Variants in ZFYVE26 observed in about 807,000 individuals in gnomAD.
The protein encoded by ZFYVE26 is zinc finger FYVE-type containing 26.
A neutral mutation model predicts 276.5 loss-of-function variants in ZFYVE26; 181 were observed. The ratio of observed to expected loss-of-function variants is 0.65; its 90% CI spans 0.58 to 0.74. The LOEUF (loss-of-function observed/expected upper bound fraction) is 0.74. Ranked by LOEUF, ZFYVE26 falls within the 30% of genes least tolerant of loss-of-function variation. ZFYVE26 has a pLI of 0.00. For missense variants in ZFYVE26, 2,821 were observed against 3,097.9 expected, an observed-to-expected ratio of 0.91 and a Z score of 2.12; for synonymous variants, 1,129 against 1,203.1, an observed-to-expected ratio of 0.94 and a Z score of 1.27.
rs2039098622 is a variant in ZFYVE26 at position 67,767,811 on chromosome 14, G to C, written c.5683C>G (p.Pro1895Ala). 6.2e-7 allele frequency: 1 copy of C among 1,614,000 alleles called. No homozygotes were observed. The highest frequency in any genetic ancestry group is 1.3e-5 in the African/African-American group (1 of 74,890). Residue 1895 changes from proline (P) to alanine (A), a missense_variant, in exon 31 of 42, where the codon CCA becomes GCA. Pro to Ala is a conservative substitution (Grantham distance 27, BLOSUM62 -1). Transcript: ENST00000347230. ...ALDSSKNESP[P>A]YSFVVRVPKA... The stretch of plus-strand genomic sequence containing the variant: ...GGGACTCTCACCACAAACGAGTATG[G>C]AGGGCTTTCATTCTTGGAGCTGTCT...
chr14:67,779,910 C>T lies in ZFYVE26; in HGVS notation c.4674+331G>A, dbSNP rs28479359. On this transcript the variant is annotated intron_variant, in intron 23 of 41. Transcript: ENST00000347230. Reference sequence around the variant, plus strand: ...TTTTTGAGACAGAGTCTCGCTCTGTCGTCCAGGCTAGAGTGCAGTGGTGCG... The same window carrying T: ...TTTTTGAGACAGAGTCTCGCTCTGTTGTCCAGGCTAGAGTGCAGTGGTGCG... Among the ~76,000 whole-genome samples, 5,590 of 152,158 alleles carry T rather than the reference C, an allele frequency of 0.037. 293 individuals are homozygous for T. Among genetic ancestry groups the T allele is most frequent in the African/African-American group, 0.12 (4,873 of 41,472 alleles).
At chr14:67,766,198 TAAAAG>T (rs1215806739) in intron 32 of ZFYVE26, 24 bp downstream of exon 32, 17 of 1,609,884 alleles carry the variant, frequency 1.1e-5, no homozygotes, top group Non-Finnish European at 1.4e-5. Flanking sequence ...TGCTCCTGTG[TAAAAG>T]AATAGAGACC....
In ZFYVE26 at chr14:67,808,019, A is replaced by T; in HGVS notation, c.364-99T>A. 4 of 1,394,318 alleles carry T rather than the reference A, an allele frequency of 2.9e-6. No individual in the cohort carries two copies. The East Asian group carries it at 9.2e-5, about 32-fold the overall frequency. The allele number at this position is 1,394,318 out of a possible 1,614,324, so 86.4% of individuals were successfully genotyped here. On this transcript the variant is annotated intron_variant, in intron 4 of 41. Coordinates refer to ENST00000347230, the MANE Select transcript of ZFYVE26 (RefSeq NM_015346.4). ...TCCTCTTTTTCAGTTTACTTATATA[A>T]TAGTGGCGGTAACAAATACTTATGT...
At chr14:67,797,628 T>C in intron 12 of ZFYVE26, 44 bp downstream of exon 12, 1 of 1,598,286 alleles carries the variant, frequency 6.3e-7, no homozygotes, top group Non-Finnish European at 8.6e-7. Context: ...ACAAGCAGCA[T>C]TACACCACTT....
intron 12 of ZFYVE26, chr14:67,797,439 A>G (rs2039976847): frequency 1.7e-6 from 1 of 577,876 alleles, no homozygotes; most frequent in South Asian, 2.0e-5. Context: ...AGTTCTCAAT[A>G]TATAGTATAA....
In ZFYVE26 at chr14:67,775,943, G is replaced by C; in HGVS notation, c.5138C>G (p.Thr1713Ser). The change falls in exon 26 of 42, where the codon ACT (threonine) becomes AGT (serine). Residue 1713 changes from threonine to serine, a missense_variant. Coordinates refer to ENST00000347230, the MANE Select transcript of ZFYVE26 (RefSeq NM_015346.4). ...AAGCAGTGAGTCCACCTCGTCCATA[G>C]TGAAGCCAATCTCCTGTCCAACCAG... is the stretch of plus-strand genomic sequence containing the variant. ...QLLVGQEIGFTMDEVDSLLSR... is the reference protein window; with the variant it reads ...QLLVGQEIGFSMDEVDSLLSR... 6.2e-7 allele frequency: 1 copy of C among 1,614,220 alleles called. No individual in the cohort carries two copies. Among genetic ancestry groups the C allele is most frequent in the South Asian group, 1.1e-5 (1 of 91,090 alleles).
intron 35 of ZFYVE26, 53 bp from the exon 36 acceptor site, chr14:67,756,198 G>C: frequency 5.1e-6 from 8 of 1,580,226 alleles, no homozygotes; most frequent in Non-Finnish European, 7.0e-6. Context: ...TTCTGGCACT[G>C]TCTGGGATCC....
At chr14:67,804,542 A>G (rs761687788) in intron 8 of ZFYVE26, among the ~76,000 whole-genome samples, 3 of 152,192 alleles carry the variant, frequency 2.0e-5, no homozygotes, top group Non-Finnish European at 4.4e-5. Flanking sequence ...TGAATTTTCT[A>G]ATTTCTACAC....
chr14:67,809,451 CT>C (rs1432497052), intron 3 of ZFYVE26, among the ~76,000 whole-genome samples, 162 bp from the exon 4 acceptor site: 1 of 123,646 alleles, frequency 8.1e-6, no homozygotes, highest in Non-Finnish European at 1.6e-5. Context: ...GAGACAGAGT[CT>C]TGCTCTGTTC....
chr14:67,767,442 C>G (rs538785532), intron 31 of ZFYVE26, among the ~76,000 whole-genome samples: 1 of 152,100 alleles, frequency 6.6e-6, no homozygotes, highest in East Asian at 1.9e-4. Context: ...CGACCCCCAG[C>G]TTTCTGCTTG....
downstream of ZFYVE26, chr14:67,746,389 CA>C: frequency 6.6e-6 from 1 of 152,206 alleles, no homozygotes; most frequent in East Asian, 1.9e-4. Flanking sequence ...AGTCATTAGT[CA>C]TTATGGGGAT....
At chr14:67,760,149 T>C (rs1427499349) in intron 35 of ZFYVE26, among the ~76,000 whole-genome samples, 1 of 152,142 alleles carries the variant, frequency 6.6e-6, no homozygotes, top group Non-Finnish European at 1.5e-5. Context: ...ATTACAGCTG[T>C]CAGAGGGAAC....
intron 35 of ZFYVE26, among the ~76,000 whole-genome samples, chr14:67,759,441 T>C (rs893864150): frequency 1.3e-5 from 2 of 151,674 alleles, no homozygotes; most frequent in Non-Finnish European, 2.9e-5. Flanking sequence ...GTGGCCAACA[T>C]GGTGAAACCC....
chr14:67,735,064 G>C, intron 13 of ZFYVE26: 1 of 696,112 alleles, frequency 1.4e-6, no homozygotes, highest in South Asian at 1.5e-5. Flanking sequence ...ACAACCAACA[G>C]CAAATGACAC....
chr14:67,757,698 T>TC, intron 35 of ZFYVE26, among the ~76,000 whole-genome samples: 1 of 148,832 alleles, frequency 6.7e-6, no homozygotes, highest in East Asian at 2.0e-4. Context: ...CTCTTTCCTT[T>TC]CTTTCTCTCT....
rs2039983534 is a variant in ZFYVE26 at position 67,797,673 on chromosome 14, T to C, written c.2331A>G (p.Ala777=). The C allele has an allele frequency of 1.9e-6, 3 of 1,614,132 alleles. No individual in the cohort carries two copies. Among genetic ancestry groups the C allele is most frequent in the Non-Finnish European group, 1.7e-6 (2 of 1,180,018 alleles). Residue 777 remains alanine, a splice_region_variant and synonymous_variant, in exon 12 of 42, where the codon GCA becomes GCG. Coordinates refer to ENST00000347230, the MANE Select transcript of ZFYVE26 (RefSeq NM_015346.4). The part of the protein sequence containing the change: ...RRGRRTRRSQ[A]DGRDRGSNPS... ...ATGGGAATGAGCTCTTCAGATTACCTGCCTGGCTCCTTCTTGTCCGACGAC... is the reference window on the plus strand; with the variant it reads ...ATGGGAATGAGCTCTTCAGATTACCCGCCTGGCTCCTTCTTGTCCGACGAC...
Position 67,798,637 on chromosome 14 carries a change from A to T in ZFYVE26, c.1640-15T>A. On this transcript the variant is annotated splice_polypyrimidine_tract_variant and intron_variant, in intron 10 of 41. Transcript: ENST00000347230. ...ATTTGCAGCACCTACAAAAACATGT[A>T]CAAGAGAAGAGGCCAGAGAAAGAGA... 1 of 1,613,624 alleles carries T rather than the reference A, an allele frequency of 6.2e-7. No homozygotes were observed.
intron 3 of ZFYVE26, among the ~76,000 whole-genome samples, chr14:67,813,338 C>T (rs2040339573): frequency 6.6e-6 from 1 of 152,170 alleles, no homozygotes; most frequent in African/African-American, 2.4e-5. Context: ...AGAGGTTCTT[C>T]ACTTAAATCT....
Position 67,767,694 on chromosome 14 carries a change from T to C in ZFYVE26, c.5790+10A>G, listed in dbSNP as rs2140201158. The C allele has an allele frequency of 6.2e-7, 1 of 1,614,164 alleles. No individual in the cohort carries two copies. Among genetic ancestry groups the C allele is most frequent in the Middle Eastern group, 1.6e-4 (1 of 6,062 alleles). On this transcript the variant is annotated intron_variant, in intron 31 of 41. Transcript: ENST00000347230. ...AAACTTAAGTGACCATTGCATTTTA[T>C]TGCTATTACCTGCTCATAGTAAAAT... is the stretch of plus-strand genomic sequence containing the variant.
Sources: allele counts gnomAD v4.1 joint callset (sites outside exome capture counted in the v4.1 genomes callset), GRCh38; gene constraint gnomAD v4.1.1; transcripts MANE v1.5; gene names NCBI Gene and HGNC (gene_info 2026-07-23, HGNC 2026-07-21).